Variants in ACOT7 observed in about 807,000 individuals in gnomAD.
ACOT7 encodes cytosolic acyl coenzyme A thioester hydrolase.
In ACOT7, 12 loss-of-function variants were observed where a neutral mutation model predicts 40.2. That is an observed-to-expected ratio of 0.30 (90% CI 0.19 to 0.48). The LOEUF (loss-of-function observed/expected upper bound fraction) is 0.48. ACOT7 is among the 20% of genes least tolerant of loss of function. The pLI is 0.99. For missense variants in ACOT7, 395 were observed against 530.8 expected (o/e 0.74, Z 2.51); for synonymous variants, 228 against 219.5 (o/e 1.04, Z -0.34).
chr1:6,276,353 G>C (rs967317536), intron 8 of ACOT7, among the ~76,000 whole-genome samples: 1 of 152,060 alleles, frequency 6.6e-6, no homozygotes, highest in Non-Finnish European at 1.5e-5. Context: ...AGCCCCCTTC[G>C]GCCCAAGGTC....
At chr1:6,379,611 G>T (rs1306952470) in intron 1 of ACOT7, among the ~76,000 whole-genome samples, 1 of 151,616 alleles carries the variant, frequency 6.6e-6, no homozygotes, top group Non-Finnish European at 1.5e-5. Flanking sequence ...CTACAGGCAT[G>T]CACCACCACA....
chr1:6,393,387 CGG>C lies in ACOT7; in HGVS notation c.11_12del (p.Pro4ArgfsTer50). 8.1e-7 allele frequency: 1 copy of C among 1,229,772 alleles called. No homozygotes were observed. Among genetic ancestry groups the C allele is most frequent in the Non-Finnish European group, 1.0e-6 (1 of 983,254 alleles). 76.2% of individuals were successfully genotyped at this position (1,229,772 alleles called of 1,614,324 possible). A position where few individuals can be genotyped will look rare whatever the true frequency, so the allele number is the denominator to read the frequency against. Reference sequence around the variant, plus strand: ...AGGCCCGGCGCGGAATGAATGAGCCCGGGCCGCGCCATAAAGGGGGAGGGCAG... The same window carrying C: ...AGGCCCGGCGCGGAATGAATGAGCCCGCCGCGCCATAAAGGGGGAGGGCAG... MAR[P>X]GLIHSAPGLP... On this transcript the variant is annotated frameshift_variant, in exon 1 of 9. Coordinates refer to ENST00000361521, the MANE Select transcript of ACOT7 (RefSeq NM_007274.4). LOFTEE classifies it high-confidence loss of function.
chr1:6,315,109 C>G (rs1314264480), intron 6 of ACOT7, among the ~76,000 whole-genome samples: 1 of 152,182 alleles, frequency 6.6e-6, no homozygotes, highest in Non-Finnish European at 1.5e-5. Flanking sequence ...CAGAAGAGCT[C>G]CTCCCTTTCC....
At chr1:6,313,140 G>A (rs1008479052) in intron 6 of ACOT7, among the ~76,000 whole-genome samples, 13 of 152,238 alleles carry the variant, frequency 8.5e-5, no homozygotes, top group Non-Finnish European at 1.5e-5. Context: ...CTGCTAAGCT[G>A]GTGGTGTCTG....
chr1:6,318,245 G>A (rs1640551027), intron 6 of ACOT7, among the ~76,000 whole-genome samples: 2 of 152,040 alleles, frequency 1.3e-5, no homozygotes, highest in African/African-American at 4.8e-5. Flanking sequence ...TGTAGAGACA[G>A]GGGTCTCCCT....
rs1029074350 is a variant in ACOT7, at chr1:6,282,109, G to A, written c.830-823C>T. 5.3e-5 allele frequency among the ~76,000 whole-genome samples: 8 copies of A among 152,000 alleles called. No homozygotes were observed. The highest frequency in any genetic ancestry group is 1.9e-4 in the African/African-American group (8 of 41,388). On this transcript the variant is annotated intron_variant, in intron 7 of 8. Coordinates refer to ENST00000361521, the MANE Select transcript of ACOT7 (RefSeq NM_007274.4). This position sits in a 1 kb window ranked among gnomAD's most constrained non-coding sequence, Gnocchi z 4.5. ...TCTCTGTACGCCCCACGCTCCCCAG[G>A]GCACGACAGTCCATCCTGGCAGAAG...
chr1:6,338,451 T>A lies in ACOT7; in HGVS notation c.418+982A>T, dbSNP rs1368775513. Among the ~76,000 whole-genome samples, 1 of 152,082 alleles carries A rather than the reference T, an allele frequency of 6.6e-6. No individual in the cohort carries two copies. The highest frequency in any genetic ancestry group is 6.6e-5 in the Admixed American group (1 of 15,260). On this transcript the variant is annotated intron_variant, in intron 3 of 8. Coordinates refer to ENST00000361521, the MANE Select transcript of ACOT7 (RefSeq NM_007274.4). The surrounding 1 kb of genome is among the most constrained non-coding windows in gnomAD (Gnocchi z 4.4). ...TCCAGGGTCCCTCTGATGTCAGAGGTGCCTGCTGAGGGAGCAGCAGGCAAT... is the reference window on the plus strand; with the variant it reads ...TCCAGGGTCCCTCTGATGTCAGAGGAGCCTGCTGAGGGAGCAGCAGGCAAT...
chr1:6,347,665 G>C (rs978961448), intron 2 of ACOT7, among the ~76,000 whole-genome samples: 10 of 152,086 alleles, frequency 6.6e-5, no homozygotes, highest in African/African-American at 2.2e-4. Flanking sequence ...TGCTCGGGAA[G>C]CTGAGGCAGG....
chr1:6,327,687 T>C (rs1360818734), intron 4 of ACOT7, among the ~76,000 whole-genome samples: 1 of 152,218 alleles, frequency 6.6e-6, no homozygotes, highest in Non-Finnish European at 1.5e-5. Flanking sequence ...TATGGTGCTG[T>C]ATGTGGAGCT....
In ACOT7 at chr1:6,289,500, C is replaced by T. The variant is rs35470506; in HGVS notation, c.829+5364G>A. Among the ~76,000 whole-genome samples the T allele has an allele frequency of 0.079, 12,066 of 152,048 alleles. 535 individuals are homozygous for T. The highest frequency in any genetic ancestry group is 0.11 in the Non-Finnish European group (7,303 of 67,978). On this transcript the variant is annotated intron_variant, in intron 7 of 8. Coordinates refer to ENST00000361521, the MANE Select transcript of ACOT7 (RefSeq NM_007274.4). This position sits in a 1 kb window ranked among gnomAD's most constrained non-coding sequence, Gnocchi z 4.6. ...CACTGCAGCCTCTGCCTCCTGGGCTCATGTGATCCTCCTCCCTTAGCTTCC... is the reference window on the plus strand; with the variant it reads ...CACTGCAGCCTCTGCCTCCTGGGCTTATGTGATCCTCCTCCCTTAGCTTCC...
Position 6,274,186 on chromosome 1 carries a change from G to A in ACOT7, c.1014+6916C>T, listed in dbSNP as rs1331083740. 1.3e-5 allele frequency among the ~76,000 whole-genome samples: 2 copies of A among 152,180 alleles called. No homozygotes were observed. The highest frequency in any genetic ancestry group is 3.9e-4 in the East Asian group (2 of 5,188). On this transcript the variant is annotated intron_variant, in intron 8 of 8. Coordinates refer to ENST00000361521, the MANE Select transcript of ACOT7 (RefSeq NM_007274.4). This position sits in a 1 kb window ranked among gnomAD's most constrained non-coding sequence, Gnocchi z 5.9. ...CCCATGCTTCCTCCTAAGTGCAAAG[G>A]GGCGAGGGACCTTCCAATTACAGCA...
intron 2 of ACOT7, among the ~76,000 whole-genome samples, chr1:6,343,819 C>T (rs1191587087): frequency 5.9e-5 from 9 of 152,232 alleles, no homozygotes; most frequent in African/African-American, 1.7e-4. Context: ...GACCTATGGG[C>T]GCATGCTTTT....
rs1001241094 is a variant in ACOT7 at position 6,301,064 on chromosome 1, T to C, written c.713-6084A>G. On this transcript the variant is annotated intron_variant, in intron 6 of 8. Transcript: ENST00000361521. This position sits in a 1 kb window ranked among gnomAD's most constrained non-coding sequence, Gnocchi z 4.1. The stretch of plus-strand genomic sequence containing the variant: ...GTCCAGAGTGGAATTCTTCCCAAGA[T>C]GATTGCAGGAAGGAGCGTTCAAAGT... 2.8e-4 allele frequency among the ~76,000 whole-genome samples: 42 copies of C among 152,292 alleles called. No homozygotes were observed. Among genetic ancestry groups the C allele is most frequent in the African/African-American group, 8.4e-4 (35 of 41,550 alleles).
At chr1:6,287,895 A>G (rs921576785) in intron 7 of ACOT7, among the ~76,000 whole-genome samples, 8 of 152,116 alleles carry the variant, frequency 5.3e-5, no homozygotes, top group Non-Finnish European at 7.4e-5. Context: ...TACATAACAC[A>G]CCCCAAGGCC....
rs558875830 is a variant in ACOT7, at chr1:6,276,614, G to A, written c.1014+4488C>T. Among the ~76,000 whole-genome samples, 11 of 149,374 alleles carry A rather than the reference G, an allele frequency of 7.4e-5. No individual in the cohort carries two copies. In the South Asian group the frequency reaches 2.1e-3, roughly 29 times the overall value. On this transcript the variant is annotated intron_variant, in intron 8 of 8. Transcript: ENST00000361521. ...GGATGAGGGAGGCGACTGGGAGTAG[G>A]AGGAGGGGCCGCCAGGGCACATCTG...
intron 8 of ACOT7, among the ~76,000 whole-genome samples, chr1:6,270,210 C>T (rs898479329): frequency 2.2e-4 from 34 of 152,390 alleles, no homozygotes; most frequent in Non-Finnish European, 3.4e-4. Flanking sequence ...GCCCCACCCA[C>T]GGCCCGGCTG....
At chr1:6,268,925 T>C (rs1363427422) in intron 8 of ACOT7, among the ~76,000 whole-genome samples, 1 of 152,188 alleles carries the variant, frequency 6.6e-6, no homozygotes. Flanking sequence ...CACCCAACTC[T>C]GGGTCTGCAG....
chr1:6,313,243 T>TA (rs1640389873), intron 6 of ACOT7, among the ~76,000 whole-genome samples: 1 of 152,066 alleles, frequency 6.6e-6, no homozygotes, highest in Non-Finnish European at 1.5e-5. Flanking sequence ...AATGGGTTAG[T>TA]AATAAAAAGT....
Position 6,393,473 on chromosome 1 carries a change from C to G in ACOT7, c.-74G>C. ...GCGCGCCGGGGGCAATCGAACGCGGCCTCCCCGCGCCGACCCCGCCCCCGC... is the reference window on the plus strand; with the variant it reads ...GCGCGCCGGGGGCAATCGAACGCGGGCTCCCCGCGCCGACCCCGCCCCCGC... On this transcript the variant is annotated 5_prime_UTR_variant, in exon 1 of 9. Coordinates refer to ENST00000361521, the MANE Select transcript of ACOT7 (RefSeq NM_007274.4). 6.0e-6 allele frequency: 7 copies of G among 1,176,030 alleles called. No individual in the cohort carries two copies. The highest frequency in any genetic ancestry group is 5.3e-6 in the Non-Finnish European group (5 of 941,696). The allele number at this position is 1,176,030 out of a possible 1,614,324, so 72.8% of individuals were successfully genotyped here.
Sources: gnomAD v4.1 joint callset for allele counts (sites outside exome capture counted in the v4.1 genomes callset) on GRCh38, gnomAD v4.1.1 for gene constraint, Gnocchi (gnomAD v3.1) non-coding constraint, MANE v1.5 for transcripts, NCBI Gene and HGNC (gene_info 2026-07-23, HGNC 2026-07-21) for gene names.